TRDN: variants seen among roughly 807,000 people sequenced by gnomAD.
TRDN encodes the protein triadin.
In TRDN, 161 loss-of-function variants were observed where a neutral mutation model predicts 149.7. The observed-to-expected ratio is 1.08, with a 90% CI of 0.95 to 1.23. TRDN has a LOEUF of 1.23. Among genes scored for constraint, TRDN ranks in the 50% most tolerant of loss-of-function variants. TRDN has a pLI of 0.00. For synonymous variants in TRDN, 294 were observed against 250.5 expected, an observed-to-expected ratio of 1.17 and a Z score of -1.64; for missense variants, 896 against 823.5, an observed-to-expected ratio of 1.09 and a Z score of -1.08.
intron 24 of TRDN, among the ~76,000 whole-genome samples, chr6:123,314,141 C>T (rs1423415977): frequency 6.6e-6 from 1 of 151,894 alleles, no homozygotes; most frequent in Non-Finnish European, 1.5e-5. Context: ...GGAATTTAAA[C>T]AAATTTACAA....
Position 123,221,026 on chromosome 6 carries a change from T to G in TRDN, c.2050+461A>C, listed in dbSNP as rs1775126521. Among the ~76,000 whole-genome samples, 3 of 151,912 alleles carry G rather than the reference T, an allele frequency of 2.0e-5. No homozygotes were observed. In the South Asian group the frequency reaches 6.2e-4, roughly 32 times the overall value. ...ATAAATGATCCCAAAGTTTGAATAT[T>G]TAGAACCTACCATACATCTAGCAAA... On this transcript the variant is annotated intron_variant, in intron 40 of 40. Transcript: ENST00000334268.
At chr6:123,278,252 A>G (rs1777447332) in intron 26 of TRDN, 66 bp downstream of exon 26, 46 of 1,093,496 alleles carry the variant, frequency 4.2e-5, no homozygotes, top group Non-Finnish European at 5.6e-5. Flanking sequence ...GACATTTGCA[A>G]AGAGATATTG....
rs552622814 is a variant in TRDN, at chr6:123,345,819, G to A, written c.1369+6720C>T. Among the ~76,000 whole-genome samples, 41 of 152,016 alleles carry A rather than the reference G, an allele frequency of 2.7e-4. No homozygotes were observed. In the South Asian group the frequency reaches 3.3e-3, roughly 12 times the overall value. ...GTTTTTGGTGCCAATATAAGTGATC[G>A]TTGTGTTTTTAATCTTGTTCATTCA... On this transcript the variant is annotated intron_variant, in intron 21 of 40. Transcript: ENST00000334268.
chr6:123,430,354 G>C (rs1402602839), intron 12 of TRDN, among the ~76,000 whole-genome samples: 1 of 151,516 alleles, frequency 6.6e-6, no homozygotes, highest in East Asian at 1.9e-4. Context: ...AGGCCGAGGC[G>C]CGCACATCAC....
intron 2 of TRDN, among the ~76,000 whole-genome samples, chr6:123,551,342 TACACACACAC>T (rs10638140): frequency 4.9e-4 from 69 of 141,194 alleles, no homozygotes; most frequent in African/African-American, 1.1e-3. Flanking sequence ...AAAACCTAAA[TACACACACAC>T]ACACACACAC....
chr6:123,235,725 C>T (rs1361518922), intron 38 of TRDN, among the ~76,000 whole-genome samples: 2 of 152,108 alleles, frequency 1.3e-5, no homozygotes, highest in Non-Finnish European at 2.9e-5. Flanking sequence ...TAGTGACACT[C>T]CCCCTCTGTC....
intron 35 of TRDN, among the ~76,000 whole-genome samples, chr6:123,256,649 T>A (rs1417043311): frequency 6.6e-6 from 1 of 152,080 alleles, no homozygotes; most frequent in African/African-American, 2.4e-5. Flanking sequence ...TTCAACCACT[T>A]TTTGATGGGG....
At chr6:123,332,347 C>T (rs1020189389) in intron 22 of TRDN, among the ~76,000 whole-genome samples, 2 of 151,988 alleles carry the variant, frequency 1.3e-5, no homozygotes, top group African/African-American at 4.8e-5. Context: ...AAATCCTGCA[C>T]ATATCATGTA....
intron 24 of TRDN, among the ~76,000 whole-genome samples, chr6:123,296,788 T>C (rs1778217749): frequency 6.6e-6 from 1 of 152,026 alleles, no homozygotes; most frequent in East Asian, 1.9e-4. Flanking sequence ...TAATGATGTG[T>C]GTTAATATTA....
At chr6:123,461,424 T>C (rs1776442271) in intron 10 of TRDN, among the ~76,000 whole-genome samples, 1 of 152,184 alleles carries the variant, frequency 6.6e-6, no homozygotes, top group South Asian at 2.1e-4. Context: ...TTCATGTAAA[T>C]TGCAGCTGTT....
chr6:123,302,740 A>C (rs1418878120), intron 24 of TRDN, among the ~76,000 whole-genome samples: 1 of 152,106 alleles, frequency 6.6e-6, no homozygotes. Flanking sequence ...GAATGTCTAT[A>C]AATTTTTGAA....
intron 24 of TRDN, among the ~76,000 whole-genome samples, chr6:123,312,951 G>A (rs1477438291): frequency 1.3e-5 from 2 of 151,942 alleles, no homozygotes; most frequent in Admixed American, 6.6e-5. Context: ...TTTTCAATAA[G>A]TTGTTGATTG....
Position 123,518,984 on chromosome 6 carries a change from A to G in TRDN, c.485-2778T>C, listed in dbSNP as rs566537975. Among the ~76,000 whole-genome samples the G allele has an allele frequency of 2.6e-5, 4 of 152,304 alleles. No individual in the cohort carries two copies. In the East Asian group the frequency reaches 7.7e-4, roughly 29 times the overall value. ...TAAAAATCACCTATAGAGCAGCTGCATTCGCTTGAGCGTCTCTGCTTAGAG... is the reference window on the plus strand; with the variant it reads ...TAAAAATCACCTATAGAGCAGCTGCGTTCGCTTGAGCGTCTCTGCTTAGAG... On this transcript the variant is annotated intron_variant, in intron 5 of 40. Transcript: ENST00000334268.
intron 1 of TRDN, among the ~76,000 whole-genome samples, chr6:123,586,569 A>G (rs1006459977): frequency 1.3e-5 from 2 of 152,194 alleles, no homozygotes; most frequent in Admixed American, 6.5e-5. Flanking sequence ...ATCTTGAAGG[A>G]TGGAAAAATT....
At chr6:123,393,558 T>G in intron 13 of TRDN, 66 bp downstream of exon 13, 1 of 1,454,632 alleles carries the variant, frequency 6.9e-7, no homozygotes, top group Non-Finnish European at 9.3e-7. Context: ...AGCTTTTGCT[T>G]TTGTCAATAA....
chr6:123,469,147 TAA>T (rs1777005754), intron 9 of TRDN, among the ~76,000 whole-genome samples: 1 of 152,242 alleles, frequency 6.6e-6, no homozygotes, highest in Non-Finnish European at 1.5e-5. Flanking sequence ...TGTATTGGTA[TAA>T]GTTTCCTAGA....
intron 19 of TRDN, among the ~76,000 whole-genome samples, chr6:123,366,911 A>G (rs1485336569): frequency 6.6e-6 from 1 of 152,220 alleles, no homozygotes; most frequent in Non-Finnish European, 1.5e-5. Flanking sequence ...GAGTCTGCTA[A>G]AAGTTGTTTA....
At chr6:123,351,904 T>G in intron 21 of TRDN, 1 of 984,914 alleles carries the variant, frequency 1.0e-6, no homozygotes, top group Non-Finnish European at 1.2e-6. Flanking sequence ...ATGTTTTAAG[T>G]TTAGTGTACT....
At chr6:123,283,275 T>C (rs1008877873) in intron 24 of TRDN, among the ~76,000 whole-genome samples, 2 of 151,864 alleles carry the variant, frequency 1.3e-5, no homozygotes, top group Non-Finnish European at 2.9e-5. Flanking sequence ...TCAATGATAA[T>C]AGTGAAACAA....
Sources: allele counts gnomAD v4.1 joint callset (sites outside exome capture counted in the v4.1 genomes callset), GRCh38; gene constraint gnomAD v4.1.1; transcripts MANE v1.5; gene names NCBI Gene and HGNC (gene_info 2026-07-23, HGNC 2026-07-21).